The following RPS6KC1 variants were observed in gnomAD, a reference collection of about 807,000 sequenced individuals.
The protein encoded by RPS6KC1 is inactive ribosomal protein S6 kinase delta-1.
A neutral mutation model predicts 103.8 loss-of-function variants in RPS6KC1; 54 were observed. That is an observed-to-expected ratio of 0.52 (90% confidence interval 0.42 to 0.65). The LOEUF is 0.65. RPS6KC1 is among the 30% of genes least tolerant of loss of function. The pLI is 0.00. For missense variants in RPS6KC1, 1,151 were observed against 1,253.8 expected (o/e 0.92, Z 1.24); for synonymous variants, 439 against 438.7 (o/e 1.00, Z -0.01).
the RPS6KC1 span, among the ~76,000 whole-genome samples, chr1:213,386,722 T>C: frequency 1.3e-5 from 2 of 152,302 alleles, no homozygotes; most frequent in African/African-American, 4.8e-5. Context: ...GTCTCCTCTA[T>C]GGCTCTGTGG....
the RPS6KC1 span, among the ~76,000 whole-genome samples, chr1:213,410,841 G>C: frequency 1.3e-5 from 2 of 152,060 alleles, no homozygotes; most frequent in Non-Finnish European, 2.9e-5. Flanking sequence ...TTTTAAAAAA[G>C]GGAAATTGAG....
At chr1:213,613,355 C>T in the RPS6KC1 span, among the ~76,000 whole-genome samples, 16 of 152,296 alleles carry the variant, frequency 1.1e-4, no homozygotes, top group Admixed American at 7.8e-4. Flanking sequence ...GCACCAGTCA[C>T]GATCTACCTC....
chr1:213,668,210 G>A, the RPS6KC1 span, among the ~76,000 whole-genome samples: 1 of 151,872 alleles, frequency 6.6e-6, no homozygotes, highest in Non-Finnish European at 1.5e-5. Flanking sequence ...ATTTATGACA[G>A]CTAAAGCCTT....
At chr1:213,741,026 G>GATATATATACACACACA in the RPS6KC1 span, among the ~76,000 whole-genome samples, 19 of 118,182 alleles carry the variant, frequency 1.6e-4, no homozygotes, top group African/African-American at 4.8e-4. Context: ...ACACACATAT[G>GATATATATACACACACA]TGTGTATACA....
chr1:213,812,392 C>CA, the RPS6KC1 span, among the ~76,000 whole-genome samples: 3 of 152,136 alleles, frequency 2.0e-5, no homozygotes, highest in Non-Finnish European at 2.9e-5. Context: ...GGTTGTATAA[C>CA]AAAAATCTGT....
chr1:213,089,418 C>A (rs1389259160), intron 3 of RPS6KC1, among the ~76,000 whole-genome samples: 1 of 151,310 alleles, frequency 6.6e-6, no homozygotes, highest in Non-Finnish European at 1.5e-5. Flanking sequence ...TGTGTGTGCC[C>A]TTTCCCATTG....
At chr1:213,435,624 A>G in the RPS6KC1 span, among the ~76,000 whole-genome samples, 3 of 152,212 alleles carry the variant, frequency 2.0e-5, no homozygotes, top group Non-Finnish European at 4.4e-5. Context: ...ACTCTACCTG[A>G]TGCCCTGTGA....
At chr1:213,615,687 A>G in the RPS6KC1 span, among the ~76,000 whole-genome samples, 2 of 152,214 alleles carry the variant, frequency 1.3e-5, no homozygotes, top group African/African-American at 2.4e-5. Flanking sequence ...AGAACGCGCC[A>G]TCTGGGGGCC....
chr1:213,442,322 C>G, the RPS6KC1 span, among the ~76,000 whole-genome samples: 1 of 152,216 alleles, frequency 6.6e-6, no homozygotes. Context: ...CCCCTGTGCC[C>G]AGAACAGTGC....
intron 2 of RPS6KC1, among the ~76,000 whole-genome samples, chr1:213,073,570 G>A (rs151290679): frequency 2.0e-5 from 3 of 152,104 alleles, no homozygotes; most frequent in African/African-American, 7.2e-5. Context: ...GGTGAAATTT[G>A]GGAAAGGAAA....
At chr1:213,397,160 C>T in the RPS6KC1 span, among the ~76,000 whole-genome samples, 3 of 152,150 alleles carry the variant, frequency 2.0e-5, no homozygotes, top group African/African-American at 7.2e-5. Flanking sequence ...TTCCCCCGTC[C>T]CACATCGTGG....
the RPS6KC1 span, among the ~76,000 whole-genome samples, chr1:213,568,398 G>C: frequency 6.6e-6 from 1 of 152,228 alleles, no homozygotes; most frequent in Non-Finnish European, 1.5e-5. Flanking sequence ...ATGAAAGGAA[G>C]GGGGCTTAAT....
chr1:213,395,012 A>G, the RPS6KC1 span, among the ~76,000 whole-genome samples: 2 of 152,284 alleles, frequency 1.3e-5, no homozygotes, highest in Non-Finnish European at 2.9e-5. Flanking sequence ...CCAGTTCTCT[A>G]GCAGAGCGGC....
intron 1 of RPS6KC1, among the ~76,000 whole-genome samples, chr1:213,059,050 C>T (rs1262678362): frequency 6.6e-6 from 1 of 152,220 alleles, no homozygotes; most frequent in East Asian, 1.9e-4. Context: ...TGGTTTTCAG[C>T]TTTTCTTTGC....
At chr1:213,182,853 G>GAT (rs999710308) in intron 8 of RPS6KC1, among the ~76,000 whole-genome samples, 1 of 146,484 alleles carries the variant, frequency 6.8e-6, no homozygotes, top group Non-Finnish European at 1.5e-5. Context: ...TATATATCAT[G>GAT]ATATATATGT....
At chr1:213,262,873 C>T (rs1014518697) in intron 14 of RPS6KC1, 57 bp downstream of exon 14, 21 of 1,014,434 alleles carry the variant, frequency 2.1e-5, no homozygotes, top group African/African-American at 1.7e-4. Flanking sequence ...GCAGAGCCCA[C>T]AACTCCAAAA....
At chr1:213,266,965 C>T (rs747020483) in intron 14 of RPS6KC1, among the ~76,000 whole-genome samples, 1 of 151,670 alleles carries the variant, frequency 6.6e-6, no homozygotes, top group African/African-American at 2.4e-5. Flanking sequence ...GAACTCTGGG[C>T]AAGAACAGTG....
intron 1 of RPS6KC1, among the ~76,000 whole-genome samples, chr1:213,067,455 T>C (rs1195698672): frequency 6.6e-6 from 1 of 152,166 alleles, no homozygotes; most frequent in African/African-American, 2.4e-5. Context: ...CAGTTTCACT[T>C]TTATTATCAT....
At chr1:213,126,584 G>C (rs1296200551) in intron 5 of RPS6KC1, among the ~76,000 whole-genome samples, 1 of 152,086 alleles carries the variant, frequency 6.6e-6, no homozygotes, top group Non-Finnish European at 1.5e-5. Context: ...TAAAATAGGG[G>C]TTGGCAAAAC....
Sources: gnomAD v4.1 joint callset for allele counts (sites outside exome capture counted in the v4.1 genomes callset) on GRCh38, gnomAD v4.1.1 for gene constraint, MANE v1.5 for transcripts, NCBI Gene and HGNC (gene_info 2026-07-23, HGNC 2026-07-21) for gene names.